RPS6KC1: variants seen among roughly 807,000 people sequenced by gnomAD.
RPS6KC1 encodes ribosomal protein S6 kinase C1.
Under a neutral mutation model 103.8 loss-of-function variants are expected in RPS6KC1, and 54 were observed. That is an observed-to-expected ratio of 0.52 (90% CI 0.42 to 0.65). The LOEUF (loss-of-function observed/expected upper bound fraction) is 0.65, where lower values mean the gene tolerates loss of function less well. Ranked by LOEUF, RPS6KC1 falls within the 30% of genes least tolerant of loss-of-function variation. RPS6KC1 has a pLI of 0.00. For synonymous variants in RPS6KC1, 439 were observed against 438.7 expected (o/e 1.00, Z -0.01); for missense variants, 1,151 against 1,253.8 (o/e 0.92, Z 1.24).
chr1:213,370,096 C>T, the RPS6KC1 span, among the ~76,000 whole-genome samples: 1 of 152,096 alleles, frequency 6.6e-6, no homozygotes, highest in Non-Finnish European at 1.5e-5. Context: ...TTTCTAACCT[C>T]CAGGGCCAAG....
At chr1:213,673,787 T>C in the RPS6KC1 span, among the ~76,000 whole-genome samples, 6 of 152,236 alleles carry the variant, frequency 3.9e-5, no homozygotes, top group African/African-American at 9.6e-5. Flanking sequence ...TTTCCTTTCT[T>C]CAATCTTATC....
chr1:213,156,800 G>A (rs558193395), intron 6 of RPS6KC1, among the ~76,000 whole-genome samples: 1 of 152,268 alleles, frequency 6.6e-6, no homozygotes, highest in Admixed American at 6.5e-5. Flanking sequence ...TGATGAGTAT[G>A]TTCTGTTTTC....
chr1:213,102,277 G>A (rs1323073543), intron 3 of RPS6KC1, among the ~76,000 whole-genome samples: 1 of 152,128 alleles, frequency 6.6e-6, no homozygotes, highest in Non-Finnish European at 1.5e-5. Flanking sequence ...TTAATGAGAT[G>A]TAGTCTCGCT....
intron 8 of RPS6KC1, among the ~76,000 whole-genome samples, chr1:213,224,108 C>A (rs955969279): frequency 3.3e-5 from 5 of 152,186 alleles, no homozygotes; most frequent in African/African-American, 1.2e-4. Context: ...CTTTTCTCTT[C>A]TCCATATTAT....
At chr1:213,287,019 A>G in the RPS6KC1 span, among the ~76,000 whole-genome samples, 13 of 152,364 alleles carry the variant, frequency 8.5e-5, no homozygotes, top group Admixed American at 7.2e-4. Flanking sequence ...AAGAGGAACC[A>G]ATAGATTAAG....
At chr1:213,862,525 A>C in the RPS6KC1 span, among the ~76,000 whole-genome samples, 2 of 151,304 alleles carry the variant, frequency 1.3e-5, no homozygotes, top group Non-Finnish European at 1.5e-5. Flanking sequence ...TTTTTTTTCT[A>C]CTCTGCTTTT....
At chr1:213,809,633 A>T in the RPS6KC1 span, among the ~76,000 whole-genome samples, 2 of 152,258 alleles carry the variant, frequency 1.3e-5, no homozygotes, top group Non-Finnish European at 2.9e-5. Flanking sequence ...TCAAGAAACT[A>T]AACATATGTA....
At chr1:213,339,818 G>A in the RPS6KC1 span, among the ~76,000 whole-genome samples, 3 of 152,176 alleles carry the variant, frequency 2.0e-5, no homozygotes, top group Non-Finnish European at 4.4e-5. Flanking sequence ...TCCTGTTGAG[G>A]GCAGGTTAGC....
At chr1:213,210,549 A>T (rs975544615) in intron 8 of RPS6KC1, among the ~76,000 whole-genome samples, 42 of 152,334 alleles carry the variant, frequency 2.8e-4, no homozygotes, top group African/African-American at 9.6e-4. Context: ...GTTGCAGTCG[A>T]TGAACTTGTC....
rs562831789 is a variant in RPS6KC1, at chr1:213,246,221, C to T, written c.2911+3563C>T. ...TCCTTAGATTATCTAGGATGATTCT[C>T]TAGAAAGGTTTTATTTTAAATAAAC... On this transcript the variant is annotated intron_variant, in intron 12 of 14. Coordinates refer to ENST00000366960, the MANE Select transcript of RPS6KC1 (RefSeq NM_012424.6). Among the ~76,000 whole-genome samples, 6 of 152,094 alleles carry T rather than the reference C, an allele frequency of 3.9e-5. No individual in the cohort carries two copies. The East Asian group carries it at 9.7e-4, about 24-fold the overall frequency.
At chr1:213,538,297 G>A in the RPS6KC1 span, among the ~76,000 whole-genome samples, 1 of 152,244 alleles carries the variant, frequency 6.6e-6, no homozygotes, top group African/African-American at 2.4e-5. Context: ...GATGTTTTAG[G>A]ATTTTTGATT....
the RPS6KC1 span, among the ~76,000 whole-genome samples, chr1:213,768,077 T>C: frequency 1.3e-5 from 2 of 152,236 alleles, no homozygotes; most frequent in African/African-American, 2.4e-5. Flanking sequence ...TCTATATCAC[T>C]GAAACTACCA....
At chr1:213,413,203 T>C in the RPS6KC1 span, among the ~76,000 whole-genome samples, 2 of 152,260 alleles carry the variant, frequency 1.3e-5, no homozygotes, top group Non-Finnish European at 2.9e-5. Flanking sequence ...ATACATGTAA[T>C]GATCAGATCA....
chr1:213,456,499 A>G, the RPS6KC1 span, among the ~76,000 whole-genome samples: 5 of 152,078 alleles, frequency 3.3e-5, no homozygotes, highest in Non-Finnish European at 4.4e-5. Flanking sequence ...AGGTATTCTA[A>G]TTCTGACTGC....
intron 13 of RPS6KC1, 49 bp downstream of exon 13, chr1:213,261,689 A>G: frequency 6.7e-7 from 1 of 1,486,728 alleles, no homozygotes; most frequent in Non-Finnish European, 9.4e-7. Context: ...TGCTACCTTG[A>G]TTTCAAATTA....
the RPS6KC1 span, among the ~76,000 whole-genome samples, chr1:213,507,277 G>C: frequency 6.6e-6 from 1 of 152,118 alleles, no homozygotes; most frequent in East Asian, 1.9e-4. Context: ...ACCTGAGCAC[G>C]CAACCTGCCT....
chr1:213,232,690 T>C (rs1391798967), intron 10 of RPS6KC1, among the ~76,000 whole-genome samples: 2 of 152,212 alleles, frequency 1.3e-5, no homozygotes, highest in African/African-American at 4.8e-5. Flanking sequence ...GGCTTAACAT[T>C]TGACATTACC....
rs1054489137 is a variant in RPS6KC1 at position 213,107,272 on chromosome 1, G to A, written c.378+2703G>A. On this transcript the variant is annotated intron_variant, in intron 4 of 14. Coordinates refer to ENST00000366960, the MANE Select transcript of RPS6KC1 (RefSeq NM_012424.6). ...CCAATTTTAGATCATTTCCATTACC[G>A]CACCTCTGTGTCTACTTGCTATGGT... Among the ~76,000 whole-genome samples the A allele has an allele frequency of 5.3e-5, 8 of 151,980 alleles. No homozygotes were observed. In the South Asian group the frequency reaches 1.7e-3, roughly 32 times the overall value.
chr1:213,272,244 A>G (rs1228881591), intron 14 of RPS6KC1, among the ~76,000 whole-genome samples: 2 of 152,212 alleles, frequency 1.3e-5, no homozygotes, highest in African/African-American at 4.8e-5. Context: ...AGGTATAACT[A>G]TCCTATTATA....
Sources: gnomAD v4.1 joint callset for allele counts (sites outside exome capture counted in the v4.1 genomes callset) on GRCh38, gnomAD v4.1.1 for gene constraint, MANE v1.5 for transcripts, NCBI Gene and HGNC (gene_info 2026-07-23, HGNC 2026-07-21) for gene names.